Variants in MDGA2 observed in about 807,000 individuals in gnomAD.
MDGA2 encodes MAM domain-containing glycosylphosphatidylinositol anchor protein 2.
Under a neutral mutation model 117.8 loss-of-function variants are expected in MDGA2, and 40 were observed. The observed-to-expected ratio is 0.34, with a 90% CI of 0.26 to 0.44. The LOEUF (loss-of-function observed/expected upper bound fraction) is 0.44. Among genes scored for constraint, MDGA2 ranks in the 20% least tolerant of loss-of-function variants. The pLI is 1.00. For synonymous variants in MDGA2, 452 were observed against 439.0 expected (o/e 1.03, Z -0.37); for missense variants, 1,123 against 1,250.6 (o/e 0.90, Z 1.54).
At chr14:47,438,503 A>C (rs1261488734) in intron 1 of MDGA2, among the ~76,000 whole-genome samples, 2 of 152,158 alleles carry the variant, frequency 1.3e-5, no homozygotes, top group Non-Finnish European at 2.9e-5. Flanking sequence ...ATAATTTCAA[A>C]TATTCCTGAT....
chr14:46,871,536 A>T (rs907435520), intron 14 of MDGA2: 3 of 152,010 alleles, frequency 2.0e-5, no homozygotes, highest in Non-Finnish European at 4.4e-5. Context: ...GAAATAATCC[A>T]CAAAGTATCC....
intron 5 of MDGA2, among the ~76,000 whole-genome samples, chr14:47,108,496 T>C (rs1880852578): frequency 1.3e-5 from 2 of 152,090 alleles, no homozygotes; most frequent in South Asian, 4.1e-4. Flanking sequence ...ACTGATGACA[T>C]TACCTTGTGA....
At chr14:47,466,393 C>T (rs189847399) in intron 1 of MDGA2, among the ~76,000 whole-genome samples, 2 of 152,094 alleles carry the variant, frequency 1.3e-5, no homozygotes, top group African/African-American at 2.4e-5. Context: ...GATTTACATC[C>T]TTATTTGGGT....
intron 2 of MDGA2, among the ~76,000 whole-genome samples, chr14:47,291,906 A>C (rs1189034932): frequency 6.6e-6 from 1 of 152,208 alleles, no homozygotes; most frequent in East Asian, 1.9e-4. Context: ...GTTAGCCCTG[A>C]TCTAGGGCAG....
chr14:47,329,457 G>C (rs377552464), intron 1 of MDGA2, among the ~76,000 whole-genome samples: 6 of 152,100 alleles, frequency 3.9e-5, no homozygotes, highest in Non-Finnish European at 8.8e-5. Context: ...AGCATAGAAC[G>C]ATAGGTGCTC....
chr14:46,952,958 G>A (rs935322151), intron 9 of MDGA2, among the ~76,000 whole-genome samples: 38 of 151,940 alleles, frequency 2.5e-4, no homozygotes, highest in African/African-American at 8.9e-4. Flanking sequence ...GATAAGCTAG[G>A]TTTTCTAGGA....
chr14:47,631,001 A>G (rs1252563236), intron 1 of MDGA2, among the ~76,000 whole-genome samples: 1 of 152,224 alleles, frequency 6.6e-6, no homozygotes, highest in Admixed American at 6.5e-5. Flanking sequence ...ATCCTTGGTC[A>G]CAGAGCAAGA....
intron 3 of MDGA2, among the ~76,000 whole-genome samples, chr14:47,176,641 A>G (rs1884463337): frequency 6.6e-6 from 1 of 152,248 alleles, no homozygotes; most frequent in East Asian, 1.9e-4. Context: ...ACCTTATACA[A>G]AAATTAATTC....
intron 1 of MDGA2, among the ~76,000 whole-genome samples, chr14:47,542,842 T>C (rs1424544983): frequency 6.6e-6 from 1 of 152,216 alleles, no homozygotes; most frequent in African/African-American, 2.4e-5. Context: ...CTTCTTATAT[T>C]TGGCATTAAC....
chr14:46,964,661 G>A (rs1213648680), intron 8 of MDGA2, among the ~76,000 whole-genome samples: 1 of 152,140 alleles, frequency 6.6e-6, no homozygotes, highest in African/African-American at 2.4e-5. Context: ...AGAGAAGTTT[G>A]GAATGATTAC....
intron 1 of MDGA2, among the ~76,000 whole-genome samples, chr14:47,604,759 T>C (rs1348811904): frequency 3.9e-5 from 6 of 152,320 alleles, no homozygotes; most frequent in Middle Eastern, 6.8e-3. Flanking sequence ...TGACTTTCAG[T>C]GGAAATGATC....
At chr14:47,477,924 T>C (rs1006389719) in intron 1 of MDGA2, among the ~76,000 whole-genome samples, 3 of 152,220 alleles carry the variant, frequency 2.0e-5, no homozygotes, top group Non-Finnish European at 4.4e-5. Flanking sequence ...CACCTGTCCA[T>C]GCCAAAACAG....
At chr14:47,492,938 T>C (rs17118783) in intron 1 of MDGA2, among the ~76,000 whole-genome samples, 5,871 of 152,220 alleles carry the variant, frequency 0.039, 386 homozygotes, top group African/African-American at 0.13. Context: ...TTACTTTACA[T>C]GCATCTAGGG....
At chr14:47,223,363 T>G (rs1201798823) in intron 2 of MDGA2, among the ~76,000 whole-genome samples, 1 of 152,184 alleles carries the variant, frequency 6.6e-6, no homozygotes, top group Non-Finnish European at 1.5e-5. Flanking sequence ...TCTGAATTTA[T>G]TTTAACTTAA....
intron 9 of MDGA2, among the ~76,000 whole-genome samples, chr14:46,920,951 T>A (rs1884104297): frequency 6.6e-6 from 1 of 152,202 alleles, no homozygotes; most frequent in Non-Finnish European, 1.5e-5. Flanking sequence ...GAAATGTGAA[T>A]TACGTATAGT....
chr14:47,021,675 G>A (rs1017884415), intron 8 of MDGA2, among the ~76,000 whole-genome samples: 1 of 152,100 alleles, frequency 6.6e-6, no homozygotes, highest in Non-Finnish European at 1.5e-5. Flanking sequence ...TATGGTTTCT[G>A]TTACATATGC....
chr14:47,584,397 C>G (rs984539086), intron 1 of MDGA2, among the ~76,000 whole-genome samples: 9 of 151,748 alleles, frequency 5.9e-5, no homozygotes, highest in African/African-American at 2.2e-4. Context: ...TCAATCAATA[C>G]TTGATGACTG....
chr14:47,049,464 A>G (rs1594566092), intron 7 of MDGA2, among the ~76,000 whole-genome samples: 1 of 152,238 alleles, frequency 6.6e-6, no homozygotes, highest in East Asian at 1.9e-4. Context: ...ATGCTATTTA[A>G]TAGTAGTACT....
chr14:46,883,144 G>T (rs1480374311), intron 10 of MDGA2, among the ~76,000 whole-genome samples: 1 of 151,862 alleles, frequency 6.6e-6, no homozygotes, highest in South Asian at 2.1e-4. Flanking sequence ...AACCAAAAAG[G>T]ATGGTACAAG....
Sources: gnomAD v4.1 joint callset for allele counts (sites outside exome capture counted in the v4.1 genomes callset) on GRCh38, gnomAD v4.1.1 for gene constraint, MANE v1.5 for transcripts, NCBI Gene and HGNC (gene_info 2026-07-23, HGNC 2026-07-21) for gene names.